Variants in MYO1C observed in about 807,000 individuals in gnomAD.
MYO1C encodes the protein myosin IC.
Under a neutral mutation model 150.8 loss-of-function variants are expected in MYO1C, and 104 were observed. The ratio of observed to expected loss-of-function variants is 0.69; its 90% CI spans 0.59 to 0.81. The LOEUF is 0.81. Among genes scored for constraint, MYO1C ranks in the 30% least tolerant of loss-of-function variants. The probability of loss-of-function intolerance (pLI) is 0.00; values close to 1 mark genes in which losing one functional copy is unlikely to be tolerated. For missense variants in MYO1C, 1,504 were observed against 1,435.0 expected, an observed-to-expected ratio of 1.05 and a Z score of -0.78; for synonymous variants, 663 against 579.9, an observed-to-expected ratio of 1.14 and a Z score of -2.06.
chr17:1,487,497 T>A (rs1259283415), intron 1 of MYO1C, among the ~76,000 whole-genome samples: 5 of 146,616 alleles, frequency 3.4e-5, no homozygotes, highest in African/African-American at 1.2e-4. Flanking sequence ...GCGGCGGCCC[T>A]GGGGACCCCC....
At chr17:1,487,846 G>A (rs1300077490) in intron 1 of MYO1C, among the ~76,000 whole-genome samples, 2 of 152,182 alleles carry the variant, frequency 1.3e-5, no homozygotes, top group African/African-American at 4.8e-5. Context: ...GCTTGAACCC[G>A]GGAGACGGAG....
At chr17:1,468,918 T>C in intron 25 of MYO1C, 1 of 312,968 alleles carries the variant, frequency 3.2e-6, no homozygotes, top group Non-Finnish European at 6.2e-6. Flanking sequence ...AGGGCAGATA[T>C]CACCAATCGA....
At chr17:1,466,218 G>C (rs1043585593) in intron 31 of MYO1C, among the ~76,000 whole-genome samples, 1 of 148,018 alleles carries the variant, frequency 6.8e-6, no homozygotes, top group African/African-American at 2.5e-5. Context: ...GAGTGCAGTG[G>C]TGAGATCTTG....
intron 3 of MYO1C, 27 bp downstream of exon 3, chr17:1,483,583 G>A (rs891587247): frequency 7.1e-6 from 11 of 1,544,436 alleles, no homozygotes; most frequent in Admixed American, 3.7e-5. Flanking sequence ...CAGAGGGGTC[G>A]CTCCCGGAGG....
In MYO1C at chr17:1,477,517, G is replaced by A. The variant is rs1418862425; in HGVS notation, c.1562C>T (p.Pro521Leu). Residue 521 changes from proline to leucine, a missense_variant, in exon 14 of 32, where the codon CCA (proline) becomes CTA (leucine). Transcript: ENST00000648651. ...EKLEDTVKHH[P>L]HFLTHKLADQ... ...CAGCCCCACTCACGTCAGGAAGTGTGGATGGTGCTTGACAGTATCCTCCAG... is the reference window on the plus strand; with the variant it reads ...CAGCCCCACTCACGTCAGGAAGTGTAGATGGTGCTTGACAGTATCCTCCAG... 1 of 1,613,658 alleles carries A rather than the reference G, an allele frequency of 6.2e-7. No homozygotes were observed. The highest frequency in any genetic ancestry group is 8.5e-7 in the Non-Finnish European group (1 of 1,179,990).
At chr17:1,470,992 G>C in intron 21 of MYO1C, 79 bp downstream of exon 21, 1 of 1,466,866 alleles carries the variant, frequency 6.8e-7, no homozygotes, top group Non-Finnish European at 9.5e-7. Context: ...GGACTCCCTG[G>C]AGAAGGAGCC....
intron 17 of MYO1C, 70 bp from the exon 18 acceptor site, chr17:1,472,298 C>A (rs2074321290): frequency 7.3e-7 from 1 of 1,369,986 alleles, no homozygotes; most frequent in Non-Finnish European, 1.0e-6. Flanking sequence ...CAGCGAGTAC[C>A]CCACTCCCCT....
At chr17:1,484,093 G>T in intron 2 of MYO1C, 55 bp downstream of exon 2, 4 of 1,589,986 alleles carry the variant, frequency 2.5e-6, no homozygotes, top group Non-Finnish European at 1.7e-6. Context: ...TTTCCCCTCC[G>T]CTTGCCTGTG....
At chr17:1,469,445 T>TACGGTAGAACGCG (rs370039862) in intron 25 of MYO1C, 86 bp downstream of exon 25, 167 of 1,259,004 alleles carry the variant, frequency 1.3e-4, no homozygotes, top group Non-Finnish European at 1.7e-4. Flanking sequence ...CCGGGGTAAA[T>TACGGTAGAACGCG]GCCCCTCCAG....
intron 31 of MYO1C, among the ~76,000 whole-genome samples, chr17:1,466,663 T>C (rs1246933663): frequency 7.0e-6 from 1 of 143,646 alleles, no homozygotes; most frequent in Non-Finnish European, 1.5e-5. Context: ...CTCACTCTGT[T>C]CCCCAGGCCT....
intron 1 of MYO1C, among the ~76,000 whole-genome samples, chr17:1,487,893 C>G (rs571858660): frequency 1.3e-4 from 20 of 152,224 alleles, no homozygotes; most frequent in Non-Finnish European, 2.6e-4. Flanking sequence ...TGCACTCCAG[C>G]CTGGGCGACA....
At position 1,477,563 on chromosome 17, in the gene MYO1C, CT is replaced by C; in HGVS notation, c.1515del (p.Asp506ThrfsTer2). 1 of 1,613,628 alleles carries C rather than the reference CT, an allele frequency of 6.2e-7. No individual in the cohort carries two copies. Among genetic ancestry groups the C allele is most frequent in the African/African-American group, 1.3e-5 (1 of 75,022 alleles). On this transcript the variant is annotated frameshift_variant, in exon 14 of 32. Coordinates refer to ENST00000648651, the MANE Select transcript of MYO1C (RefSeq NM_001080779.2). LOFTEE classifies it high-confidence loss of function. The part of the protein sequence containing the change: ...DEECLRPGEA[T>X]DLTFLEKLED... ...TCCAGCTTCTCCAGGAAGGTCAGGTCTGTGGCCTCCCCGGGGCGCAGACACT... is the reference window on the plus strand; with the variant it reads ...TCCAGCTTCTCCAGGAAGGTCAGGTCGTGGCCTCCCCGGGGCGCAGACACT...
Position 1,474,551 on chromosome 17 carries a change from A to G in MYO1C, c.1797+59T>C, listed in dbSNP as rs548780685. 3.9e-6 allele frequency: 6 copies of G among 1,558,118 alleles called. No homozygotes were observed. The South Asian group carries it at 6.7e-5, about 17-fold the overall frequency. On this transcript the variant is annotated intron_variant, in intron 17 of 31. Coordinates refer to ENST00000648651, the MANE Select transcript of MYO1C (RefSeq NM_001080779.2). ...ACGCTGCCAGCTCCCAGGCTCACACAGGCCCTCATGCACACTCAGGCGCAT... is the reference window on the plus strand; with the variant it reads ...ACGCTGCCAGCTCCCAGGCTCACACGGGCCCTCATGCACACTCAGGCGCAT...
rs187240801 is a variant in MYO1C at position 1,468,373 on chromosome 17, G to A, written c.2704+30C>T. 5 of 1,613,556 alleles carry A rather than the reference G, an allele frequency of 3.1e-6. No homozygotes were observed. The Admixed American group carries it at 5.0e-5, about 16-fold the overall frequency. On this transcript the variant is annotated intron_variant, in intron 26 of 31. Transcript: ENST00000648651. ...ATGGGGGACCAGGATGGTGACGAAA[G>A]GTCTGAGTGCTGGAAAGTCAGGGGC...
chr17:1,474,877 CG>C lies in MYO1C; in HGVS notation c.1670-20del. On this transcript the variant is annotated intron_variant, in intron 15 of 31. Coordinates refer to ENST00000648651, the MANE Select transcript of MYO1C (RefSeq NM_001080779.2). ...AGAAACCCTGGGAGGGGAGAACCGA[CG>C]TGAGGTGAGACAGAGCCTCCCCGCA... The C allele has an allele frequency of 6.2e-7, 1 of 1,613,894 alleles. No homozygotes were observed.
At chr17:1,484,019 G>A (rs962966954) in intron 2 of MYO1C, 129 bp downstream of exon 2, 26 of 1,222,544 alleles carry the variant, frequency 2.1e-5, no homozygotes, top group Non-Finnish European at 2.1e-5. Context: ...TCCAGCCTGG[G>A]CAACAAGAGT....
intron 17 of MYO1C, among the ~76,000 whole-genome samples, chr17:1,473,859 G>GC (rs1354697534): frequency 6.6e-6 from 1 of 151,318 alleles, no homozygotes; most frequent in Non-Finnish European, 1.5e-5. Flanking sequence ...CACCCCTTCC[G>GC]CCCCGTCAGG....
chr17:1,477,340 G>T, intron 14 of MYO1C, 165 bp downstream of exon 14: 1 of 678,796 alleles, frequency 1.5e-6, no homozygotes, highest in Non-Finnish European at 2.7e-6. Flanking sequence ...AGCATGCCTG[G>T]CTAAGCTTCT....
intron 14 of MYO1C, among the ~76,000 whole-genome samples, chr17:1,476,922 T>C (rs1199606645): frequency 6.6e-6 from 1 of 151,870 alleles, no homozygotes; most frequent in Non-Finnish European, 1.5e-5. Context: ...CACTGCAACC[T>C]GCACCTCCCG....
Sources: gnomAD v4.1 joint callset for allele counts (sites outside exome capture counted in the v4.1 genomes callset) on GRCh38, gnomAD v4.1.1 for gene constraint, MANE v1.5 for transcripts, NCBI Gene and HGNC (gene_info 2026-07-23, HGNC 2026-07-21) for gene names.